Variants in ZSCAN25 observed in about 807,000 individuals in gnomAD.
ZSCAN25 encodes zinc finger and SCAN domain containing 25.
ZSCAN25 carries 27 observed loss-of-function variants against 38.7 expected under a neutral mutation model. The ratio of observed to expected loss-of-function variants is 0.70; its 90% CI spans 0.51 to 0.96. The LOEUF (loss-of-function observed/expected upper bound fraction) is 0.96. Ranked by LOEUF, ZSCAN25 falls within the 40% of genes least tolerant of loss-of-function variation. ZSCAN25 has a pLI of 0.00. For missense variants in ZSCAN25, 637 were observed against 705.9 expected (o/e 0.90, Z 1.11); for synonymous variants, 273 against 277.7 (o/e 0.98, Z 0.17).
At chr7:99,733,111 T>C in the ZSCAN25 span, among the ~76,000 whole-genome samples, 1 of 152,324 alleles carries the variant, frequency 6.6e-6, no homozygotes, top group East Asian at 1.9e-4. Context: ...GAATAGTTAG[T>C]GGAAGTGTGT....
intron 6 of ZSCAN25, 22 bp downstream of exon 6, chr7:99,622,662 A>G: frequency 1.2e-6 from 2 of 1,609,708 alleles, no homozygotes; most frequent in Non-Finnish European, 1.7e-6. Flanking sequence ...CTCCCTTTGC[A>G]GAAATCATGA....
At chr7:99,639,020 C>T in the ZSCAN25 span, among the ~76,000 whole-genome samples, 1 of 152,200 alleles carries the variant, frequency 6.6e-6, no homozygotes, top group Non-Finnish European at 1.5e-5. Context: ...AGGCACGGCC[C>T]GGCTGTCCTG....
chr7:99,699,847 A>G, the ZSCAN25 span: 1 of 694,120 alleles, frequency 1.4e-6, no homozygotes, highest in Admixed American at 2.1e-5. Flanking sequence ...GTAGCATCCA[A>G]GAAGCTACTC....
chr7:99,723,989 A>T, the ZSCAN25 span, among the ~76,000 whole-genome samples: 1 of 151,984 alleles, frequency 6.6e-6, no homozygotes, highest in Admixed American at 6.5e-5. Context: ...TCACCTTGGC[A>T]CAAGTACCAC....
the ZSCAN25 span, chr7:99,700,118 T>A: frequency 1.1e-6 from 1 of 939,380 alleles, no homozygotes; most frequent in Admixed American, 1.8e-5. Context: ...GCCTGGAGCA[T>A]CCCTGCCCTG....
the ZSCAN25 span, chr7:99,679,999 T>C: frequency 2.1e-6 from 2 of 973,048 alleles, no homozygotes; most frequent in East Asian, 4.8e-5. Context: ...TGCACAGCAG[T>C]CTTCAGCCAA....
the ZSCAN25 span, among the ~76,000 whole-genome samples, chr7:99,646,553 A>G: frequency 6.6e-6 from 1 of 152,184 alleles, no homozygotes; most frequent in Non-Finnish European, 1.5e-5. Flanking sequence ...TTTAGAAATC[A>G]TTTCCAAATA....
chr7:99,713,357 C>G, the ZSCAN25 span: 9 of 1,511,136 alleles, frequency 6.0e-6, no homozygotes, highest in African/African-American at 1.2e-4. Context: ...CTGTGTCATT[C>G]TGCTATGTGG....
At chr7:99,731,024 A>AT in the ZSCAN25 span, 4 of 1,611,588 alleles carry the variant, frequency 2.5e-6, no homozygotes, top group Non-Finnish European at 3.4e-6. Flanking sequence ...CTTTGCAATC[A>AT]TAAGAAGCAA....
At chr7:99,698,293 A>G in the ZSCAN25 span, among the ~76,000 whole-genome samples, 3 of 152,236 alleles carry the variant, frequency 2.0e-5, no homozygotes, top group Non-Finnish European at 4.4e-5. Context: ...CCACGCACAC[A>G]GTGACACATT....
chr7:99,711,758 A>G, the ZSCAN25 span, among the ~76,000 whole-genome samples: 1 of 149,158 alleles, frequency 6.7e-6, no homozygotes, highest in African/African-American at 2.4e-5. Flanking sequence ...ACAAGAGCGA[A>G]AACTCTGTCT....
chr7:99,697,927 C>T, the ZSCAN25 span, among the ~76,000 whole-genome samples: 714 of 152,292 alleles, frequency 4.7e-3, 4 homozygotes, highest in African/African-American at 0.016. Flanking sequence ...CTAGAAGTTA[C>T]GTGATCTCTC....
the ZSCAN25 span, among the ~76,000 whole-genome samples, chr7:99,673,483 A>G: frequency 6.6e-6 from 1 of 152,250 alleles, no homozygotes; most frequent in Non-Finnish European, 1.5e-5. Context: ...AGTAAGTGCA[A>G]TGGTATAAAC....
At chr7:99,659,385 A>T in the ZSCAN25 span, 4 of 154,256 alleles carry the variant, frequency 2.6e-5, no homozygotes, top group African/African-American at 9.6e-5. Flanking sequence ...AGGCTGCAGA[A>T]CAGCGGTATT....
chr7:99,705,299 C>G, the ZSCAN25 span: 1 of 569,042 alleles, frequency 1.8e-6, no homozygotes, highest in East Asian at 3.5e-5. Flanking sequence ...CTGATTTGGT[C>G]ATCTCCTCTA....
the ZSCAN25 span, among the ~76,000 whole-genome samples, chr7:99,651,432 T>C: frequency 6.6e-6 from 1 of 152,100 alleles, no homozygotes; most frequent in Non-Finnish European, 1.5e-5. Context: ...GTACAGCGAG[T>C]GGTCTCTGAT....
downstream of ZSCAN25, among the ~76,000 whole-genome samples, chr7:99,632,986 G>GTTGTTTTTTTTTTGTTTTTTTT: frequency 7.1e-6 from 1 of 141,540 alleles, no homozygotes; most frequent in African/African-American, 2.8e-5. Flanking sequence ...TGCATTTTCT[G>GTTGTTTTTTTTTTGTTTTTTTT]TTGTTTTTTT....
chr7:99,668,824 T>C, the ZSCAN25 span, among the ~76,000 whole-genome samples: 1 of 152,246 alleles, frequency 6.6e-6, no homozygotes, highest in Non-Finnish European at 1.5e-5. Context: ...GGTGTGCGAC[T>C]TCCAGTGTGT....
chr7:99,618,016 G>C (rs1284464783), intron 1 of ZSCAN25: 1 of 152,216 alleles, frequency 6.6e-6, no homozygotes, highest in Non-Finnish European at 1.5e-5. Context: ...GGTTTAAGTG[G>C]GGGTAGATAA....
Sources: gnomAD v4.1 joint callset for allele counts (sites outside exome capture counted in the v4.1 genomes callset) on GRCh38, gnomAD v4.1.1 for gene constraint, MANE v1.5 for transcripts, NCBI Gene and HGNC (gene_info 2026-07-23, HGNC 2026-07-21) for gene names.